TMTC1: variants seen among roughly 807,000 people sequenced by gnomAD.
The protein encoded by TMTC1 is transmembrane O-mannosyltransferase targeting cadherins 1, also known as protein O-mannosyl-transferase TMTC1.
TMTC1 carries 73 observed loss-of-function variants against 104.8 expected under a neutral mutation model. The observed-to-expected ratio is 0.70, with a 90% CI of 0.58 to 0.85. TMTC1 has a LOEUF of 0.85. Among genes scored for constraint, TMTC1 ranks in the 40% least tolerant of loss-of-function variants. The probability of loss-of-function intolerance (pLI) is 0.00; values close to 1 mark genes in which losing one functional copy is unlikely to be tolerated. For missense variants in TMTC1, 1,035 were observed against 1,096.1 expected (o/e 0.94, Z 0.79); for synonymous variants, 434 against 428.7 (o/e 1.01, Z -0.15).
chr12:29,621,892 C>A (rs1432548650), intron 6 of TMTC1, among the ~76,000 whole-genome samples: 1 of 152,060 alleles, frequency 6.6e-6, no homozygotes, highest in Admixed American at 6.6e-5. Context: ...CCATTTCCAC[C>A]AAGTTGTTGC....
Position 29,755,742 on chromosome 12 carries a change from T to A in TMTC1, c.698A>T (p.Asp233Val). The change falls in exon 4 of 18, where the codon GAC becomes GTC. Residue 233 changes from aspartate (D) to valine (V), a missense_variant. Coordinates refer to ENST00000539277, the MANE Select transcript of TMTC1 (RefSeq NM_001193451.2). ...ITVFGVCLVY[D>V]LFSLSNKQDK... is the part of the protein sequence containing the mutation. ...TTGCTTGTTGGAAAGGGAAAAGAGG[T>A]CATAAACCAAGCACACTCCAAACAC... The A allele has an allele frequency of 6.2e-7, 1 of 1,613,870 alleles. No homozygotes were observed. Among genetic ancestry groups the A allele is most frequent in the South Asian group, 1.1e-5 (1 of 91,054 alleles).
chr12:29,560,205 A>T (rs12371221), intron 9 of TMTC1, among the ~76,000 whole-genome samples: 1 of 152,036 alleles, frequency 6.6e-6, no homozygotes, highest in Non-Finnish European at 1.5e-5. Flanking sequence ...GATAGTGGTT[A>T]TTCCCTTCCC....
At chr12:29,673,695 T>C (rs905985651) in intron 5 of TMTC1, among the ~76,000 whole-genome samples, 1 of 150,750 alleles carries the variant, frequency 6.6e-6, no homozygotes, top group Non-Finnish European at 1.5e-5. Context: ...TGCATTTTGC[T>C]AAGTGTTCAT....
chr12:29,550,078 C>T (rs1293255584), intron 10 of TMTC1, among the ~76,000 whole-genome samples: 1 of 151,500 alleles, frequency 6.6e-6, no homozygotes, highest in East Asian at 1.9e-4. Context: ...AAATCTTATT[C>T]TTGAGTGTTT....
intron 7 of TMTC1, among the ~76,000 whole-genome samples, chr12:29,602,841 T>C (rs1035698694): frequency 2.6e-5 from 4 of 152,172 alleles, no homozygotes; most frequent in African/African-American, 4.8e-5. Flanking sequence ...GCACTAGATT[T>C]TAGTAGAGCA....
chr12:29,555,055 A>G lies in TMTC1; in HGVS notation c.1676+1802T>C, dbSNP rs189068307. On this transcript the variant is annotated intron_variant, in intron 10 of 17. Transcript: ENST00000539277. The stretch of plus-strand genomic sequence containing the variant: ...AATTTATCAGCTCTAAAATTTATTC[A>G]AGAAAAATTTTACATCAATTGATTT... 2.9e-3 allele frequency among the ~76,000 whole-genome samples: 441 copies of G among 152,106 alleles called. 5 individuals are homozygous for G. Among genetic ancestry groups the G allele is most frequent in the African/African-American group, 9.1e-3 (377 of 41,508 alleles).
At chr12:29,573,599 A>G (rs1017120137) in intron 8 of TMTC1, among the ~76,000 whole-genome samples, 8 of 152,200 alleles carry the variant, frequency 5.3e-5, no homozygotes, top group Non-Finnish European at 1.2e-4. Flanking sequence ...GAATGGGATC[A>G]AGAGGAGGCT....
At chr12:29,659,900 A>C (rs1565747013) in intron 5 of TMTC1, 2 of 1,535,662 alleles carry the variant, frequency 1.3e-6, no homozygotes, top group East Asian at 4.9e-5. Context: ...TGTAAGGCGA[A>C]AATGAAGCTG....
At chr12:29,711,103 C>T (rs1053461286) in intron 5 of TMTC1, among the ~76,000 whole-genome samples, 1 of 151,300 alleles carries the variant, frequency 6.6e-6, no homozygotes, top group Non-Finnish European at 1.5e-5. Flanking sequence ...TTGTCTCGAC[C>T]TCCCAAGTAG....
At chr12:29,670,934 C>CAAAAAAAA (rs374719241) in intron 5 of TMTC1, among the ~76,000 whole-genome samples, 1 of 68,552 alleles carries the variant, frequency 1.5e-5, no homozygotes, top group Non-Finnish European at 3.0e-5. Flanking sequence ...GACTCTGTCT[C>CAAAAAAAA]AAAAAAAAAG....
At chr12:29,767,564 T>A (rs940791979) in intron 2 of TMTC1, among the ~76,000 whole-genome samples, 3 of 152,170 alleles carry the variant, frequency 2.0e-5, no homozygotes, top group Admixed American at 6.6e-5. Flanking sequence ...CTGAACAAAC[T>A]GTGGCCATTC....
chr12:29,700,613 T>C (rs1289243282), intron 5 of TMTC1, among the ~76,000 whole-genome samples: 2 of 152,204 alleles, frequency 1.3e-5, no homozygotes, highest in Admixed American at 6.5e-5. Context: ...AATTTTGTTG[T>C]ACTTGTACAT....
At chr12:29,569,899 A>G (rs1362235430) in intron 9 of TMTC1, among the ~76,000 whole-genome samples, 2 of 152,184 alleles carry the variant, frequency 1.3e-5, no homozygotes, top group African/African-American at 4.8e-5. Flanking sequence ...TGAAGCAAAC[A>G]TTTATTTGTA....
chr12:29,712,146 G>A (rs1163789206), intron 5 of TMTC1, among the ~76,000 whole-genome samples: 1 of 151,196 alleles, frequency 6.6e-6, no homozygotes, highest in Non-Finnish European at 1.5e-5. Flanking sequence ...CGATGTGGAA[G>A]AAAGTTCCCC....
intron 9 of TMTC1, among the ~76,000 whole-genome samples, chr12:29,566,791 T>C (rs1336233296): frequency 1.3e-5 from 2 of 152,182 alleles, no homozygotes; most frequent in Non-Finnish European, 2.9e-5. Context: ...CCCTATGAGG[T>C]AGGCAGCATC....
At chr12:29,525,759 G>T (rs906484027) in intron 11 of TMTC1, among the ~76,000 whole-genome samples, 14 of 152,158 alleles carry the variant, frequency 9.2e-5, no homozygotes, top group Admixed American at 7.9e-4. Flanking sequence ...CCTGGAAGTG[G>T]ATCTGATTAT....
At chr12:29,552,523 G>A (rs905637009) in intron 10 of TMTC1, among the ~76,000 whole-genome samples, 1 of 152,170 alleles carries the variant, frequency 6.6e-6, no homozygotes, top group African/African-American at 2.4e-5. Flanking sequence ...GTTTTCAGGT[G>A]GGCCACAAGG....
intron 6 of TMTC1, among the ~76,000 whole-genome samples, chr12:29,607,180 T>A (rs1424364731): frequency 2.0e-5 from 3 of 152,216 alleles, no homozygotes; most frequent in Non-Finnish European, 2.9e-5. Context: ...ATTTCCTTCA[T>A]GACATCACTC....
chr12:29,767,779 C>G (rs1379211373), intron 2 of TMTC1, 119 bp downstream of exon 2: 1 of 921,350 alleles, frequency 1.1e-6, no homozygotes, highest in Admixed American at 2.9e-5. Flanking sequence ...TCTATATACA[C>G]ACACATATCT....
Sources: allele counts gnomAD v4.1 joint callset (sites outside exome capture counted in the v4.1 genomes callset), GRCh38; gene constraint gnomAD v4.1.1; transcripts MANE v1.5; gene names NCBI Gene and HGNC (gene_info 2026-07-23, HGNC 2026-07-21).